PRICKLE1: variants seen among roughly 807,000 people sequenced by gnomAD.
PRICKLE1 encodes the protein prickle planar cell polarity protein 1.
In PRICKLE1, 14 loss-of-function variants were observed where a neutral mutation model predicts 70.2. The observed-to-expected ratio is 0.20, with a 90% CI of 0.13 to 0.31. The LOEUF (loss-of-function observed/expected upper bound fraction) is 0.31. Among genes scored for constraint, PRICKLE1 ranks in the 10% least tolerant of loss-of-function variants. The pLI is 1.00. For synonymous variants in PRICKLE1, 357 were observed against 379.9 expected, an observed-to-expected ratio of 0.94 and a Z score of 0.70; for missense variants, 821 against 1,026.2, an observed-to-expected ratio of 0.80 and a Z score of 2.73.
chr12:42,463,646 G>A (rs1221316662), intron 7 of PRICKLE1: 2 of 152,188 alleles, frequency 1.3e-5, no homozygotes, highest in African/African-American at 4.8e-5. Flanking sequence ...CTTGAACCCG[G>A]GAGATGGAGG....
intron 1 of PRICKLE1, among the ~76,000 whole-genome samples, chr12:42,513,322 C>T (rs1043989520): frequency 6.6e-6 from 1 of 152,178 alleles, no homozygotes; most frequent in Non-Finnish European, 1.5e-5. Context: ...GCAAGCTCTA[C>T]ATAGGTAAGG....
intron 1 of PRICKLE1, among the ~76,000 whole-genome samples, chr12:42,491,544 A>ACT (rs2140170989): frequency 6.6e-6 from 1 of 152,018 alleles, no homozygotes; most frequent in East Asian, 2.0e-4. Flanking sequence ...CAAGAGAGAA[A>ACT]CTCTGCCTCA....
intron 1 of PRICKLE1, among the ~76,000 whole-genome samples, chr12:42,577,825 A>G (rs1940827994): frequency 6.6e-6 from 1 of 152,216 alleles, no homozygotes; most frequent in African/African-American, 2.4e-5. Context: ...AAATATCATC[A>G]AACAATTTTG....
chr12:42,495,162 A>G (rs1376079885), intron 1 of PRICKLE1, among the ~76,000 whole-genome samples: 4 of 151,834 alleles, frequency 2.6e-5, no homozygotes, highest in Non-Finnish European at 5.9e-5. Flanking sequence ...TGAGTTCAAG[A>G]GTTCGAGAGC....
chr12:42,546,517 G>A (rs1940215483), intron 1 of PRICKLE1, among the ~76,000 whole-genome samples: 1 of 152,164 alleles, frequency 6.6e-6, no homozygotes, highest in Non-Finnish European at 1.5e-5. Flanking sequence ...ATTTTGGGAG[G>A]CTGAGGTGGG....
intron 1 of PRICKLE1, among the ~76,000 whole-genome samples, chr12:42,503,555 C>A (rs1593142843): frequency 1.3e-5 from 2 of 152,270 alleles, no homozygotes; most frequent in African/African-American, 4.8e-5. Context: ...GAGAGATGGT[C>A]TATTTGAGCT....
At chr12:42,506,117 G>A (rs533402201) in intron 1 of PRICKLE1, among the ~76,000 whole-genome samples, 1 of 147,008 alleles carries the variant, frequency 6.8e-6, no homozygotes, top group Non-Finnish European at 1.5e-5. Flanking sequence ...CCATGTTGCT[G>A]AGTGACTCTC....
intron 1 of PRICKLE1, among the ~76,000 whole-genome samples, chr12:42,535,207 C>T (rs1032781788): frequency 3.3e-5 from 5 of 152,188 alleles, no homozygotes; most frequent in African/African-American, 7.2e-5. Context: ...CTGGTGTGCA[C>T]ACCTGCTCCA....
At chr12:42,557,401 C>T (rs1027566771) in intron 1 of PRICKLE1, among the ~76,000 whole-genome samples, 8 of 152,118 alleles carry the variant, frequency 5.3e-5, no homozygotes, top group African/African-American at 1.9e-4. Context: ...TGGGAAAACG[C>T]ATTTCACATT....
intron 1 of PRICKLE1, among the ~76,000 whole-genome samples, chr12:42,512,637 C>T (rs1939534963): frequency 6.6e-6 from 1 of 152,100 alleles, no homozygotes; most frequent in Non-Finnish European, 1.5e-5. Context: ...TTCTATCTGA[C>T]ATAGTATGTA....
chr12:42,517,859 G>T (rs994819896), intron 1 of PRICKLE1, among the ~76,000 whole-genome samples: 12 of 151,964 alleles, frequency 7.9e-5, no homozygotes, highest in African/African-American at 2.7e-4. Flanking sequence ...TAGTCTGAAA[G>T]ATTTTTTTTT....
chr12:42,537,328 T>A (rs1180895662), intron 1 of PRICKLE1, among the ~76,000 whole-genome samples: 2 of 151,668 alleles, frequency 1.3e-5, no homozygotes, highest in South Asian at 2.1e-4. Flanking sequence ...TCAGCTAATT[T>A]AAAAAAAAAT....
chr12:42,528,476 C>A lies in PRICKLE1; in HGVS notation c.-48-55912G>T, dbSNP rs543147415. On this transcript the variant is annotated intron_variant, in intron 1 of 7. Transcript: ENST00000345127. The stretch of plus-strand genomic sequence containing the variant: ...TTAATTTTGAGAAAAACAACATTTG[C>A]AAGAAGTCTTCATTTTAATAAAAAC... Among the ~76,000 whole-genome samples, 45 of 152,264 alleles carry A rather than the reference C, an allele frequency of 3.0e-4. No homozygotes were observed. The South Asian group carries it at 9.3e-3, about 32-fold the overall frequency.
intron 1 of PRICKLE1, among the ~76,000 whole-genome samples, chr12:42,498,235 C>T (rs1434583329): frequency 2.0e-5 from 3 of 149,532 alleles, no homozygotes; most frequent in African/African-American, 7.4e-5. Context: ...TGCGGTGGTG[C>T]GATCATGGCT....
chr12:42,563,862 A>G (rs1940572660), intron 1 of PRICKLE1, among the ~76,000 whole-genome samples: 1 of 152,068 alleles, frequency 6.6e-6, no homozygotes, highest in South Asian at 2.1e-4. Flanking sequence ...TACAATGGGT[A>G]CAGTTAATGA....
chr12:42,571,037 A>C (rs1940703577), intron 1 of PRICKLE1, among the ~76,000 whole-genome samples: 1 of 152,188 alleles, frequency 6.6e-6, no homozygotes, highest in Non-Finnish European at 1.5e-5. Context: ...AGTTTGTGTG[A>C]ATTTAACTTT....
chr12:42,486,556 G>A (rs1938993459), intron 1 of PRICKLE1, among the ~76,000 whole-genome samples: 1 of 152,336 alleles, frequency 6.6e-6, no homozygotes, highest in Non-Finnish European at 1.5e-5. Context: ...GAGAAATAAA[G>A]AGGCAGCATT....
At chr12:42,538,055 C>T (rs1167341945) in intron 1 of PRICKLE1, among the ~76,000 whole-genome samples, 2 of 152,134 alleles carry the variant, frequency 1.3e-5, no homozygotes, top group Non-Finnish European at 2.9e-5. Context: ...TGGCTCACAT[C>T]TGTATTCCCA....
intron 1 of PRICKLE1, among the ~76,000 whole-genome samples, chr12:42,487,226 C>T (rs879215706): frequency 1.3e-5 from 2 of 152,234 alleles, no homozygotes; most frequent in African/African-American, 4.8e-5. Flanking sequence ...GTTGTATCCC[C>T]GATTGGTCAT....
Sources: allele counts gnomAD v4.1 joint callset (sites outside exome capture counted in the v4.1 genomes callset), GRCh38; gene constraint gnomAD v4.1.1; transcripts MANE v1.5; gene names NCBI Gene and HGNC (gene_info 2026-07-23, HGNC 2026-07-21).